Variants in ARID4A observed in about 807,000 individuals in gnomAD.
ARID4A encodes AT-rich interaction domain 4A.
In ARID4A, 39 loss-of-function variants were observed where a neutral mutation model predicts 148.6. The ratio of observed to expected loss-of-function variants is 0.26; its 90% CI spans 0.20 to 0.34. The LOEUF (loss-of-function observed/expected upper bound fraction) is 0.34. ARID4A is among the 10% of genes least tolerant of loss of function. The pLI is 1.00. For missense variants in ARID4A, 1,265 were observed against 1,449.1 expected (o/e 0.87, Z 2.06); for synonymous variants, 475 against 481.2 (o/e 0.99, Z 0.17).
At chr14:58,306,724 A>C (rs1028387452) in intron 5 of ARID4A, among the ~76,000 whole-genome samples, 1 of 152,106 alleles carries the variant, frequency 6.6e-6, no homozygotes, top group Non-Finnish European at 1.5e-5. Context: ...CTGAAAATAC[A>C]CAAATTAGCC....
Position 58,318,560 on chromosome 14 carries a change from A to C in ARID4A, c.293A>C (p.Glu98Ala), listed in dbSNP as rs2032627028. 6.2e-7 allele frequency: 1 copy of C among 1,614,172 alleles called. No homozygotes were observed. Among genetic ancestry groups the C allele is most frequent in the South Asian group, 1.1e-5 (1 of 91,086 alleles). ...ATTATAGTGTTTGATGATGGTGATG[A>C]GCGAACATTGAGACGTACCTCACTT... Reference protein sequence around the residue: ...WYTVVFDDGDERTLRRTSLCL... With the variant: ...WYTVVFDDGDARTLRRTSLCL... The change falls in exon 6 of 24, where the codon GAG (glutamate) becomes GCG (alanine). Residue 98 changes from glutamate (E) to alanine (A), a missense_variant. By Grantham distance (107) the Glu-to-Ala change is moderately radical. This residue lies in a region of ARID4A where 21 missense variants were observed against 36.5 expected (regional missense o/e 0.58). Coordinates refer to ENST00000355431, the MANE Select transcript of ARID4A (RefSeq NM_002892.4).
chr14:58,344,798 C>T (rs553841070), intron 12 of ARID4A, 31 bp downstream of exon 12: 7 of 1,511,194 alleles, frequency 4.6e-6, no homozygotes, highest in Middle Eastern at 1.7e-4. Context: ...TTAAAGTAGT[C>T]ATTTCTTTTT....
At chr14:58,324,904 A>T (rs1028075772) in intron 8 of ARID4A, among the ~76,000 whole-genome samples, 11 of 152,226 alleles carry the variant, frequency 7.2e-5, no homozygotes, top group Non-Finnish European at 1.2e-4. Flanking sequence ...ATTGCCCTCA[A>T]GAAGCTTACT....
At chr14:58,352,652 A>G (rs1400762197) in intron 16 of ARID4A, among the ~76,000 whole-genome samples, 1 of 152,090 alleles carries the variant, frequency 6.6e-6, no homozygotes, top group Non-Finnish European at 1.5e-5. Context: ...TCCAAGAGAA[A>G]ACATTCTCAC....
In ARID4A at chr14:58,347,117, A is replaced by T; in HGVS notation, c.1172A>T (p.Lys391Met). 6.7e-7 allele frequency: 1 copy of T among 1,482,550 alleles called. No homozygotes were observed. Among genetic ancestry groups the T allele is most frequent in the South Asian group, 1.2e-5 (1 of 80,880 alleles). 91.8% of individuals were successfully genotyped at this position (1,482,550 alleles called of 1,614,324 possible). ...TACAATGTAAAAACTGCTTATAGAA[A>T]GTAAGTAGTATAGTTTATTCATCAA... is the stretch of plus-strand genomic sequence containing the variant. ...ASYNVKTAYR[K>M]YLYGFEEYCR... Residue 391 changes from lysine to methionine, a missense_variant and splice_region_variant, in exon 14 of 24, where the codon AAG becomes ATG. Lys to Met is a moderately conservative substitution (Grantham distance 95, BLOSUM62 -1). This residue lies in a region of ARID4A where 205 missense variants were observed against 196.9 expected (regional missense o/e 1.04). Coordinates refer to ENST00000355431, the MANE Select transcript of ARID4A (RefSeq NM_002892.4).
chr14:58,365,929 G>A (rs2035342691), intron 21 of ARID4A, 95 bp from the exon 22 acceptor site: 2 of 1,111,568 alleles, frequency 1.8e-6, no homozygotes, highest in African/African-American at 1.6e-5. Flanking sequence ...ACTTATTTCT[G>A]TAGGATACCA....
chr14:58,351,119 T>C lies in ARID4A; in HGVS notation c.1451T>C (p.Ile484Thr), dbSNP rs1437700288. Residue 484 changes from isoleucine to threonine, a missense_variant, in exon 16 of 24, where the codon ATT becomes ACT. Physicochemically the swap from Ile to Thr is moderately conservative, Grantham distance 89. This residue lies in a region of ARID4A where 205 missense variants were observed against 196.9 expected (regional missense o/e 1.04). Coordinates refer to ENST00000355431, the MANE Select transcript of ARID4A (RefSeq NM_002892.4). ...GATGTAAATTCTATTAAAAAGGAAA[T>C]TGAAGAAGAGAAAACAGAAGACAAA... Reference protein sequence around the residue: ...ARDVNSIKKEIEEEKTEDKLK... With the variant: ...ARDVNSIKKETEEEKTEDKLK... 5 of 1,603,356 alleles carry C rather than the reference T, an allele frequency of 3.1e-6. No homozygotes were observed. The highest frequency in any genetic ancestry group is 2.2e-5 in the East Asian group (1 of 44,786).
At position 58,322,981 on chromosome 14, in the gene ARID4A, ATATAT is replaced by A. The variant is rs1566682427; in HGVS notation, c.450-503_450-499del. 1.9e-5 allele frequency among the ~76,000 whole-genome samples: 2 copies of A among 103,702 alleles called. 1 individual carries two copies. The highest frequency in any genetic ancestry group is 6.0e-4 in the South Asian group (2 of 3,336). The allele number at this position is 103,702 out of a possible 152,430, so 68.0% of individuals were successfully genotyped here. ...CCATTTCCAAAAAAAAAAAAAAAAA[ATATAT>A]ATATATATATATATATATGCTTAAA... On this transcript the variant is annotated intron_variant, in intron 7 of 23. Transcript: ENST00000355431.
At position 58,366,988 on chromosome 14, in the gene ARID4A, TAGAC is replaced by T. The variant is rs1490976406; in HGVS notation, c.3632_3635del (p.Asp1211GlyfsTer6). 1 of 1,513,468 alleles carries T rather than the reference TAGAC, an allele frequency of 6.6e-7. No homozygotes were observed. The highest frequency in any genetic ancestry group is 8.8e-7 in the Non-Finnish European group (1 of 1,141,708). The allele number at this position is 1,513,468 out of a possible 1,614,324, so 93.8% of individuals were successfully genotyped here. A position where few individuals can be genotyped will look rare whatever the true frequency, so the allele number is the denominator to read the frequency against. On this transcript the variant is annotated frameshift_variant, in exon 23 of 24. Coordinates refer to ENST00000355431, the MANE Select transcript of ARID4A (RefSeq NM_002892.4). LOFTEE classifies it high-confidence loss of function. ...TCTTTGAAGTCTGAAGTTGCAACCA[TAGAC>T]AGGAGGAGAAAAAGATTAAAAAAGA...
intron 11 of ARID4A, among the ~76,000 whole-genome samples, chr14:58,343,658 T>G (rs1349444945): frequency 6.6e-6 from 1 of 151,812 alleles, no homozygotes; most frequent in African/African-American, 2.4e-5. Context: ...TGAGACCCCC[T>G]TCTCTATTAA....
chr14:58,299,592 C>G lies in ARID4A; in HGVS notation c.-57-206C>G, dbSNP rs1034495431. The G allele has an allele frequency of 1.4e-5, 8 of 565,030 alleles. No individual in the cohort carries two copies. In the East Asian group the frequency reaches 2.3e-4, roughly 17 times the overall value. 35.0% of individuals were successfully genotyped at this position (565,030 alleles called of 1,614,324 possible). A position where few individuals can be genotyped will look rare whatever the true frequency, so the allele number is the denominator to read the frequency against. On this transcript the variant is annotated intron_variant, in intron 1 of 23. Transcript: ENST00000355431. ...GGCGCGGTGGGCCGCTGGCGAGCTC[C>G]GGGGCGGAACGGGCTGCCCTTTGGC...
chr14:58,320,523 G>C (rs576310230), intron 7 of ARID4A, among the ~76,000 whole-genome samples: 1 of 151,476 alleles, frequency 6.6e-6, no homozygotes, highest in South Asian at 2.1e-4. Context: ...ATCATGCATT[G>C]CATATAGTTT....
At chr14:58,352,182 G>A (rs1386075877) in intron 16 of ARID4A, among the ~76,000 whole-genome samples, 1 of 152,126 alleles carries the variant, frequency 6.6e-6, no homozygotes, top group African/African-American at 2.4e-5. Flanking sequence ...TGGGAAAACT[G>A]ACCTGCCATT....
chr14:58,300,191 T>C (rs563403046), intron 2 of ARID4A, among the ~76,000 whole-genome samples: 28 of 152,326 alleles, frequency 1.8e-4, no homozygotes, highest in Middle Eastern at 3.4e-3. Flanking sequence ...GGGGATTTTT[T>C]GTAAATTTTT....
intron 15 of ARID4A, among the ~76,000 whole-genome samples, chr14:58,350,333 T>C (rs1217621470): frequency 1.3e-5 from 2 of 152,342 alleles, no homozygotes; most frequent in East Asian, 1.9e-4. Context: ...CCTAAGTTGC[T>C]GGCTCTTTAT....
At chr14:58,327,956 A>T (rs1432581528) in intron 8 of ARID4A, among the ~76,000 whole-genome samples, 1 of 152,202 alleles carries the variant, frequency 6.6e-6, no homozygotes, top group Non-Finnish European at 1.5e-5. Context: ...TACATGCATG[A>T]GTCACTAGGC....
In ARID4A at chr14:58,367,009, T is replaced by C; in HGVS notation, c.3650T>C (p.Leu1217Ser). 1 of 1,494,952 alleles carries C rather than the reference T, an allele frequency of 6.7e-7. No homozygotes were observed. The highest frequency in any genetic ancestry group is 1.4e-5 in the South Asian group (1 of 69,626). 92.6% of individuals were successfully genotyped at this position (1,494,952 alleles called of 1,614,324 possible). Reference sequence around the variant, plus strand: ...ACCATAGACAGGAGGAGAAAAAGATTAAAAAAGAAAGACAGGGAAGGTAAT... The same window carrying C: ...ACCATAGACAGGAGGAGAAAAAGATCAAAAAAGAAAGACAGGGAAGGTAAT... ...VATIDRRRKR[L>S]KKKDREVSHA... The change falls in exon 23 of 24, where the codon TTA becomes TCA. Residue 1217 changes from leucine to serine, a missense_variant. This residue lies in a region of ARID4A where 666 missense variants were observed against 730.9 expected (regional missense o/e 0.91). Coordinates refer to ENST00000355431, the MANE Select transcript of ARID4A (RefSeq NM_002892.4).
At chr14:58,299,112 C>T (rs1354989632) in intron 1 of ARID4A, among the ~76,000 whole-genome samples, 3 of 152,164 alleles carry the variant, frequency 2.0e-5, no homozygotes, top group Non-Finnish European at 2.9e-5. Flanking sequence ...GAGGCGGGCG[C>T]TGGGAGGAGG....
At position 58,371,966 on chromosome 14, in the gene ARID4A, G is replaced by C; in HGVS notation, c.3751G>C (p.Val1251Leu). 1.2e-6 allele frequency: 2 copies of C among 1,609,862 alleles called. No individual in the cohort carries two copies. Among genetic ancestry groups the C allele is most frequent in the Non-Finnish European group, 1.7e-6 (2 of 1,176,248 alleles). Residue 1251 changes from valine to leucine, a missense_variant, in exon 24 of 24, where the codon GTA becomes CTA. Physicochemically the swap from Val to Leu is conservative, Grantham distance 32. Around this residue, in one of 9 missense-constraint regions of ARID4A, gnomAD observed 666 missense variants for 730.9 expected, o/e 0.91. Transcript: ENST00000355431. ...CTCATCATCATCTCCCCCACAAAATGTACTTGCTGTAGAATGCAGGTGATA... is the reference window on the plus strand; with the variant it reads ...CTCATCATCATCTCCCCCACAAAATCTACTTGCTGTAGAATGCAGGTGATA... ...SPSSSSPPQN[V>L]LAVECR
Sources: gnomAD v4.1 joint callset for allele counts (sites outside exome capture counted in the v4.1 genomes callset) on GRCh38, gnomAD v4.1.1 for gene constraint, gnomAD v4.1.1 regional missense constraint, MANE v1.5 for transcripts, NCBI Gene and HGNC (gene_info 2026-07-23, HGNC 2026-07-21) for gene names.